ARGFX: variants seen among roughly 807,000 people sequenced by gnomAD.
ARGFX encodes arginine-fifty homeobox.
In ARGFX, 10 loss-of-function variants were observed where a neutral mutation model predicts 8.0. That is an observed-to-expected ratio of 1.25 (90% confidence interval 0.77 to 2.12). ARGFX has a LOEUF of 2.12. Among genes scored for constraint, ARGFX ranks in the 30% most tolerant of loss-of-function variants. The pLI is 0.00. For synonymous variants in ARGFX, 116 were observed against 117.8 expected, an observed-to-expected ratio of 0.98 and a Z score of 0.10; for missense variants, 282 against 324.3, an observed-to-expected ratio of 0.87 and a Z score of 1.00.
chr3:121,573,551 T>C (rs936814496), intron 2 of ARGFX, among the ~76,000 whole-genome samples: 1 of 150,442 alleles, frequency 6.6e-6, no homozygotes, highest in Non-Finnish European at 1.5e-5. Flanking sequence ...ATTTATCTAA[T>C]AAGGGGTTAA....
At chr3:121,571,730 ATTTTTTTTTTT>A (rs1173636701) in intron 2 of ARGFX, among the ~76,000 whole-genome samples, 6 of 107,102 alleles carry the variant, frequency 5.6e-5, no homozygotes, top group East Asian at 2.8e-4. Context: ...TGCCCGGCAA[ATTTTTTTTTTT>A]TTTTTTTTTT....
intron 3 of ARGFX, among the ~76,000 whole-genome samples, chr3:121,579,834 C>A (rs1006359843): frequency 6.6e-6 from 1 of 152,096 alleles, no homozygotes; most frequent in African/African-American, 2.4e-5. Flanking sequence ...CGTGATCTGC[C>A]CGCCTTGGCA....
At chr3:121,583,872 A>T (rs1448023636) in intron 3 of ARGFX, among the ~76,000 whole-genome samples, 1 of 151,992 alleles carries the variant, frequency 6.6e-6, no homozygotes, top group Non-Finnish European at 1.5e-5. Flanking sequence ...AGCCTCAGAA[A>T]TCCCATAAAA....
intron 3 of ARGFX, among the ~76,000 whole-genome samples, chr3:121,582,903 A>G (rs184452178): frequency 2.0e-4 from 31 of 151,930 alleles, no homozygotes; most frequent in Admixed American, 8.5e-4. Flanking sequence ...ACAGGGTCTC[A>G]TTATATTTCT....
In ARGFX at chr3:121,571,573, ATTATTT is replaced by A. The variant is rs539622205; in HGVS notation, c.103+760_103+765del. ...GCTTAATATTATTATTATTATTATTATTATTTTTTGAGACAGTCTTGCTCTGTCACC... is the reference window on the plus strand; with the variant it reads ...GCTTAATATTATTATTATTATTATTATTTGAGACAGTCTTGCTCTGTCACC... On this transcript the variant is annotated intron_variant, in intron 2 of 4. Coordinates refer to ENST00000334384, the MANE Select transcript of ARGFX (RefSeq NM_001012659.2). Among the ~76,000 whole-genome samples, 101 of 150,482 alleles carry A rather than the reference ATTATTT, an allele frequency of 6.7e-4. 1 individual carries two copies. Among genetic ancestry groups the A allele is most frequent in the African/African-American group, 2.0e-3 (81 of 41,108 alleles).
chr3:121,577,494 T>A (rs1344239723), intron 3 of ARGFX, among the ~76,000 whole-genome samples: 1 of 151,384 alleles, frequency 6.6e-6, no homozygotes, highest in Non-Finnish European at 1.5e-5. Context: ...CCTCAAGTGA[T>A]CCGCCCGCCT....
intron 2 of ARGFX, among the ~76,000 whole-genome samples, chr3:121,571,730 ATTTT>A (rs1173636701): frequency 0.25 from 27,328 of 107,296 alleles, 2,710 homozygotes; most frequent in East Asian, 0.56. Flanking sequence ...TGCCCGGCAA[ATTTT>A]TTTTTTTTTT....
chr3:121,575,331 A>AG (rs2048729999), intron 2 of ARGFX, among the ~76,000 whole-genome samples: 1 of 152,104 alleles, frequency 6.6e-6, no homozygotes, highest in Non-Finnish European at 1.5e-5. Flanking sequence ...AAAAAAAAAA[A>AG]AGAAAAAGAA....
chr3:121,568,518 C>T (rs1576439126), intron 1 of ARGFX, among the ~76,000 whole-genome samples: 4 of 152,190 alleles, frequency 2.6e-5, no homozygotes, highest in Non-Finnish European at 4.4e-5. Flanking sequence ...TTCTTTGTTT[C>T]TTTAATATGC....
chr3:121,576,403 A>T (rs1216643302), intron 2 of ARGFX, among the ~76,000 whole-genome samples: 1 of 151,996 alleles, frequency 6.6e-6, no homozygotes, highest in Non-Finnish European at 1.5e-5. Flanking sequence ...CAGTAGTGTG[A>T]TCTCGACTCA....
At position 121,584,894 on chromosome 3, in the gene ARGFX, C is replaced by T. The variant is rs748859610; in HGVS notation, c.221-23C>T. 6 of 1,596,768 alleles carry T rather than the reference C, an allele frequency of 3.8e-6. No homozygotes were observed. In the Admixed American group the frequency reaches 7.0e-5, roughly 19 times the overall value. ...GATTGGTAATGTAAATGTAACCACC[C>T]CTTCTTTATCTCTGCCCTGAAGCAA... On this transcript the variant is annotated intron_variant, in intron 3 of 4. Transcript: ENST00000334384.
At chr3:121,582,938 T>G (rs1416116483) in intron 3 of ARGFX, among the ~76,000 whole-genome samples, 1 of 151,972 alleles carries the variant, frequency 6.6e-6, no homozygotes, top group Non-Finnish European at 1.5e-5. Flanking sequence ...ATTCCTGGCC[T>G]CAAGCAATTT....
chr3:121,576,723 CTTT>C, intron 2 of ARGFX, 58 bp from the exon 3 acceptor site: 1 of 258,662 alleles, frequency 3.9e-6, no homozygotes, highest in South Asian at 2.7e-5. Flanking sequence ...TTCTTTCTTT[CTTT>C]CTTTCTTTCT....
chr3:121,585,342 C>T (rs1410174611), intron 4 of ARGFX, among the ~76,000 whole-genome samples: 1 of 152,106 alleles, frequency 6.6e-6, no homozygotes, highest in Non-Finnish European at 1.5e-5. Context: ...ATTTTTAATA[C>T]TTGTACTATA....
chr3:121,587,394 C>A lies in ARGFX; in HGVS notation c.*794C>A, dbSNP rs576132032. On this transcript the variant is annotated 3_prime_UTR_variant, in exon 5 of 5. Transcript: ENST00000334384. ...TAGAGACGAGGTTTTGCCATGTTGC[C>A]CAGGCTGGTCTCCAACTCCTGGACT... 1.3e-5 allele frequency among the ~76,000 whole-genome samples: 2 copies of A among 151,974 alleles called. No individual in the cohort carries two copies. Among genetic ancestry groups the A allele is most frequent in the Admixed American group, 1.3e-4 (2 of 15,230 alleles).
intron 3 of ARGFX, among the ~76,000 whole-genome samples, chr3:121,582,594 G>A (rs2048786296): frequency 6.6e-6 from 1 of 152,140 alleles, no homozygotes; most frequent in Admixed American, 6.6e-5. Flanking sequence ...AAGTGGCATT[G>A]CCTATAGTTT....
intron 2 of ARGFX, among the ~76,000 whole-genome samples, chr3:121,575,327 AAAAAAG>A (rs1576441355): frequency 6.6e-6 from 1 of 152,274 alleles, no homozygotes; most frequent in East Asian, 1.9e-4. Flanking sequence ...TCAAAAAAAA[AAAAAAG>A]AAAAAGAAAA....
chr3:121,574,309 G>T (rs1483194527), intron 2 of ARGFX, among the ~76,000 whole-genome samples: 1 of 152,116 alleles, frequency 6.6e-6, no homozygotes, highest in Non-Finnish European at 1.5e-5. Context: ...GGCTGATTTT[G>T]GGATGATCCA....
At chr3:121,577,357 G>A (rs1218445840) in intron 3 of ARGFX, among the ~76,000 whole-genome samples, 2 of 149,760 alleles carry the variant, frequency 1.3e-5, no homozygotes, top group African/African-American at 4.9e-5. Context: ...GGGTTCAAGC[G>A]ATTCTCCTGC....
Sources: allele counts gnomAD v4.1 joint callset (sites outside exome capture counted in the v4.1 genomes callset), GRCh38; gene constraint gnomAD v4.1.1; transcripts MANE v1.5; gene names NCBI Gene and HGNC (gene_info 2026-07-23, HGNC 2026-07-21).